The following PTPRD variants were observed in gnomAD, a reference collection of about 807,000 sequenced individuals.
PTPRD encodes the protein protein tyrosine phosphatase receptor type D, also known as receptor-type tyrosine-protein phosphatase delta.
In PTPRD, 34 loss-of-function variants were observed where a neutral mutation model predicts 214.5. The ratio of observed to expected loss-of-function variants is 0.16; its 90% CI spans 0.12 to 0.21. The LOEUF (loss-of-function observed/expected upper bound fraction) is 0.21. PTPRD is among the 10% of genes least tolerant of loss of function. The pLI is 1.00. For synonymous variants in PTPRD, 1,128 were observed against 845.7 expected (o/e 1.33, Z -5.79); for missense variants, 2,545 against 2,398.7 (o/e 1.06, Z -1.27).
chr9:10,065,569 C>T (rs932677692), intron 3 of PTPRD, among the ~76,000 whole-genome samples: 1 of 151,764 alleles, frequency 6.6e-6, no homozygotes, highest in African/African-American at 2.4e-5. Flanking sequence ...TGGTCTGATA[C>T]ATTTGTGTTC....
At chr9:10,410,932 C>T (rs937653118) in intron 2 of PTPRD, among the ~76,000 whole-genome samples, 2 of 151,724 alleles carry the variant, frequency 1.3e-5, no homozygotes, top group African/African-American at 4.8e-5. Flanking sequence ...TGTTAGTTAG[C>T]TTTTCCAGGC....
intron 7 of PTPRD, among the ~76,000 whole-genome samples, chr9:9,717,894 A>G (rs2097861651): frequency 6.7e-6 from 1 of 149,436 alleles, no homozygotes; most frequent in Admixed American, 6.8e-5. Context: ...TAGGAATCAA[A>G]AAATTAAAAA....
chr9:9,746,641 G>C (rs1303417096), intron 6 of PTPRD, among the ~76,000 whole-genome samples: 2 of 152,102 alleles, frequency 1.3e-5, no homozygotes, highest in Non-Finnish European at 2.9e-5. Context: ...GGGATTCTGA[G>C]AAGTTGGATG....
intron 3 of PTPRD, among the ~76,000 whole-genome samples, chr9:10,338,026 A>G (rs1197755758): frequency 6.6e-6 from 1 of 151,596 alleles, no homozygotes; most frequent in Non-Finnish European, 1.5e-5. Context: ...ATTTCTCCAT[A>G]TCAGGTATTA....
At chr9:10,327,299 C>T (rs912906736) in intron 3 of PTPRD, among the ~76,000 whole-genome samples, 1 of 151,012 alleles carries the variant, frequency 6.6e-6, no homozygotes, top group East Asian at 2.0e-4. Context: ...AAAATACTTA[C>T]TCTCATGGCA....
intron 2 of PTPRD, among the ~76,000 whole-genome samples, chr9:10,380,713 G>A (rs113963872): frequency 0.02 from 3,107 of 152,050 alleles, 80 homozygotes; most frequent in African/African-American, 0.059. Flanking sequence ...TTTGTAAATT[G>A]AAATATGAAC....
chr9:8,491,668 A>G (rs1413688192), intron 27 of PTPRD, among the ~76,000 whole-genome samples: 4 of 151,682 alleles, frequency 2.6e-5, no homozygotes, highest in African/African-American at 9.7e-5. Flanking sequence ...TAAAAAAAAA[A>G]AAAAAAAAAA....
chr9:9,918,603 T>C (rs2081629447), intron 5 of PTPRD, among the ~76,000 whole-genome samples: 1 of 152,116 alleles, frequency 6.6e-6, no homozygotes, highest in Non-Finnish European at 1.5e-5. Context: ...AAAGCCATCC[T>C]GAGACAAAAC....
intron 9 of PTPRD, among the ~76,000 whole-genome samples, chr9:9,184,240 C>T (rs1244797242): frequency 1.3e-5 from 2 of 152,024 alleles, no homozygotes; most frequent in African/African-American, 4.8e-5. Flanking sequence ...TATCACATCA[C>T]CCTGTGTCGG....
intron 8 of PTPRD, among the ~76,000 whole-genome samples, chr9:9,527,790 T>G (rs1470989152): frequency 6.6e-6 from 1 of 152,168 alleles, no homozygotes; most frequent in African/African-American, 2.4e-5. Context: ...TGTCTCTCTT[T>G]GAGTACTGTG....
At chr9:10,284,749 T>C (rs2095283639) in intron 3 of PTPRD, among the ~76,000 whole-genome samples, 1 of 151,892 alleles carries the variant, frequency 6.6e-6, no homozygotes, top group Non-Finnish European at 1.5e-5. Flanking sequence ...GTTGTACAAC[T>C]CATGAAACCT....
chr9:8,835,488 T>G (rs2097398535), intron 11 of PTPRD, among the ~76,000 whole-genome samples: 2 of 152,214 alleles, frequency 1.3e-5, no homozygotes, highest in African/African-American at 4.8e-5. Flanking sequence ...ACTGATAGAC[T>G]GATTTCCTTA....
intron 11 of PTPRD, among the ~76,000 whole-genome samples, chr9:8,945,599 G>A (rs547366395): frequency 1.3e-5 from 2 of 151,708 alleles, no homozygotes; most frequent in African/African-American, 4.8e-5. Context: ...CCCTTCACTG[G>A]CAATTGATTC....
intron 14 of PTPRD, among the ~76,000 whole-genome samples, chr9:8,567,791 A>G (rs1298019999): frequency 6.6e-6 from 1 of 152,134 alleles, no homozygotes; most frequent in Non-Finnish European, 1.5e-5. Context: ...TCTCTCTTAC[A>G]AATAACATAT....
intron 3 of PTPRD, among the ~76,000 whole-genome samples, chr9:10,238,199 G>A (rs1157517884): frequency 6.6e-6 from 1 of 150,986 alleles, no homozygotes; most frequent in African/African-American, 2.4e-5. Context: ...GGAAGAAAAA[G>A]CACTCAGGGC....
chr9:10,136,259 G>C (rs1306100520), intron 3 of PTPRD, among the ~76,000 whole-genome samples: 1 of 152,062 alleles, frequency 6.6e-6, no homozygotes, highest in Non-Finnish European at 1.5e-5. Flanking sequence ...ACTGCAGTAA[G>C]ATTTAGACAG....
intron 8 of PTPRD, among the ~76,000 whole-genome samples, chr9:9,515,696 T>C (rs1452468666): frequency 6.6e-6 from 1 of 151,922 alleles, no homozygotes; most frequent in Non-Finnish European, 1.5e-5. Context: ...TATATCTATA[T>C]GTTAATAATT....
chr9:10,401,682 T>A (rs959404222), intron 2 of PTPRD, among the ~76,000 whole-genome samples: 2 of 149,000 alleles, frequency 1.3e-5, no homozygotes, highest in Non-Finnish European at 3.0e-5. Context: ...ACATACTGTA[T>A]GTACATAATA....
At position 8,499,770 on chromosome 9, in the gene PTPRD, G is replaced by A. The variant is rs115415584; in HGVS notation, c.2199C>T (p.Arg733=). The A allele has an allele frequency of 6.5e-4, 1,053 of 1,614,044 alleles. 7 individuals carry two copies. In the African/African-American group the frequency reaches 0.012, roughly 18 times the overall value. ...CATGCTGTTTATTGGGCACGGGTGA[G>A]CGCCATGAGACTTTAACAGATGTTG... ...VNSTSVKVSW[R]SPVPNKQHGQ... The change falls in exon 25 of 46, where the codon CGC becomes CGT. Residue 733 remains arginine (R), a synonymous_variant. Transcript: ENST00000381196.
Sources: allele counts gnomAD v4.1 joint callset (sites outside exome capture counted in the v4.1 genomes callset), GRCh38; gene constraint gnomAD v4.1.1; transcripts MANE v1.5; gene names NCBI Gene and HGNC (gene_info 2026-07-23, HGNC 2026-07-21).